The following ITGA1 variants were observed in gnomAD, a reference collection of about 807,000 sequenced individuals.
ITGA1 encodes the protein integrin subunit alpha 1, also known as integrin alpha-1.
ITGA1 carries 85 observed loss-of-function variants against 145.9 expected under a neutral mutation model. That is an observed-to-expected ratio of 0.58 (90% CI 0.49 to 0.70). The LOEUF is 0.70. Ranked by LOEUF, ITGA1 falls within the 30% of genes least tolerant of loss-of-function variation. The pLI is 0.00. For missense variants in ITGA1, 1,351 were observed against 1,418.7 expected (o/e 0.95, Z 0.77); for synonymous variants, 520 against 495.3 (o/e 1.05, Z -0.66).
chr5:52,946,247 G>A (rs1751133860), intron 27 of ITGA1, among the ~76,000 whole-genome samples: 1 of 152,140 alleles, frequency 6.6e-6, no homozygotes. Flanking sequence ...TTTAAAATCT[G>A]CCTTGCTGGG....
intron 16 of ITGA1, 111 bp downstream of exon 16, chr5:52,919,009 C>A: frequency 1.1e-6 from 1 of 919,416 alleles, no homozygotes; most frequent in Non-Finnish European, 1.6e-6. Flanking sequence ...AGCTGCACGT[C>A]ATATTTGCCC....
intron 20 of ITGA1, among the ~76,000 whole-genome samples, 155 bp from the exon 21 acceptor site, chr5:52,929,470 A>G (rs189675453): frequency 4.3e-4 from 65 of 152,324 alleles, no homozygotes; most frequent in South Asian, 3.9e-3. Flanking sequence ...ATGTTATTCT[A>G]TCTATTTTGA....
chr5:52,945,652 T>C (rs889970332), intron 27 of ITGA1, among the ~76,000 whole-genome samples: 2 of 152,130 alleles, frequency 1.3e-5, no homozygotes, highest in African/African-American at 4.8e-5. Context: ...AAATAAGTAC[T>C]TGTTACACAT....
intron 14 of ITGA1, among the ~76,000 whole-genome samples, chr5:52,915,231 CCT>C (rs200893990): frequency 0.014 from 2,072 of 152,178 alleles, 20 homozygotes; most frequent in Non-Finnish European, 0.023. Flanking sequence ...ATAATTTTTC[CCT>C]CTCTCTGGTG....
chr5:52,910,556 GTGTTTTTTAT>G (rs1750489311), intron 14 of ITGA1, 137 bp downstream of exon 14: 8 of 894,284 alleles, frequency 8.9e-6, no homozygotes, highest in Non-Finnish European at 1.3e-5. Context: ...TTCTCTTTAA[GTGTTTTTTAT>G]AGATTAGTTA....
At chr5:52,888,304 G>A (rs1469278226) in intron 8 of ITGA1, among the ~76,000 whole-genome samples, 1 of 152,038 alleles carries the variant, frequency 6.6e-6, no homozygotes, top group African/African-American at 2.4e-5. Flanking sequence ...GAAAAGAAGA[G>A]GAGGAAAGGA....
chr5:52,796,867 G>A (rs190958728), intron 1 of ITGA1, among the ~76,000 whole-genome samples: 109 of 152,168 alleles, frequency 7.2e-4, no homozygotes, highest in African/African-American at 2.6e-3. Flanking sequence ...CAGCACTAAA[G>A]GAAGCAGGGA....
chr5:52,801,722 C>G lies in ITGA1; in HGVS notation c.61+13308C>G, dbSNP rs371117038. On this transcript the variant is annotated intron_variant, in intron 1 of 28. Transcript: ENST00000282588. ...AATGCAGGCACCGTTAGGATATTCT[C>G]TAGTCTTCACGTTTCTGGGGAACAG... 2.7e-5 allele frequency: 44 copies of G among 1,613,992 alleles called. No individual in the cohort carries two copies. Among genetic ancestry groups the G allele is most frequent in the Non-Finnish European group, 3.6e-5 (43 of 1,179,980 alleles).
Position 52,944,964 on chromosome 5 carries a change from C to G in ITGA1, c.3307C>G (p.Leu1103Val). ...TCAGTCATATTTTTCCAGCTTAAAT[C>G]TTACTATAAGGGGAGAACTTCGGAG... ...FIKSYFSSLNLTIRGELRSEN... is the reference protein window; with the variant it reads ...FIKSYFSSLNVTIRGELRSEN... Residue 1103 changes from leucine (L) to valine (V), a missense_variant, in exon 27 of 29, where the codon CTT (leucine) becomes GTT (valine). Transcript: ENST00000282588. 6.2e-7 allele frequency: 1 copy of G among 1,612,114 alleles called. No individual in the cohort carries two copies. Among genetic ancestry groups the G allele is most frequent in the Non-Finnish European group, 8.5e-7 (1 of 1,178,778 alleles).
intron 9 of ITGA1, 52 bp downstream of exon 9, chr5:52,893,892 T>G: frequency 7.1e-7 from 1 of 1,412,296 alleles, no homozygotes; most frequent in Non-Finnish European, 9.7e-7. Context: ...TCAAAATCAG[T>G]ATAATGGGAT....
intron 2 of ITGA1, among the ~76,000 whole-genome samples, chr5:52,861,158 C>CACACACATATACATGTATAT (rs1283911574): frequency 9.5e-4 from 145 of 152,176 alleles, no homozygotes; most frequent in African/African-American, 3.4e-3. Context: ...CCTACATATA[C>CACACACATATACATGTATAT]ACACACATAT....
rs867686098 is a variant in ITGA1, at chr5:52,849,220, C to A, written c.62-145C>A. The A allele has an allele frequency of 4.0e-5, 24 of 597,118 alleles. 1 individual carries two copies. The South Asian group carries it at 6.4e-4, about 16-fold the overall frequency. The allele number at this position is 597,118 out of a possible 1,614,324, so 37.0% of individuals were successfully genotyped here. A position where few individuals can be genotyped will look rare whatever the true frequency, so the allele number is the denominator to read the frequency against. Reference sequence around the variant, plus strand: ...TTAGTAATACAGTTAAGAGTGGAGACCTTCCTTGAGTTTTCATTCTTTGAG... The same window carrying A: ...TTAGTAATACAGTTAAGAGTGGAGAACTTCCTTGAGTTTTCATTCTTTGAG... On this transcript the variant is annotated intron_variant, in intron 1 of 28. Coordinates refer to ENST00000282588, the MANE Select transcript of ITGA1 (RefSeq NM_181501.2).
intron 27 of ITGA1, 100 bp downstream of exon 27, chr5:52,945,135 A>G (rs1579734729): frequency 3.6e-6 from 3 of 836,684 alleles, no homozygotes; most frequent in East Asian, 5.0e-5. Flanking sequence ...AGTGACTGGT[A>G]TTGCTCTCGG....
Position 52,905,862 on chromosome 5 carries a change from T to A in ITGA1, c.1409T>A (p.Met470Lys), listed in dbSNP as rs1579709833. 1 of 1,613,532 alleles carries A rather than the reference T, an allele frequency of 6.2e-7. No individual in the cohort carries two copies. The highest frequency in any genetic ancestry group is 2.2e-5 in the East Asian group (1 of 44,844). Residue 470 changes from methionine to lysine, a missense_variant, in exon 12 of 29, where the codon ATG becomes AAG. Physicochemically the swap from Met to Lys is moderately conservative, Grantham distance 95. Transcript: ENST00000282588. Reference sequence around the variant, plus strand: ...ACAGGCCAGGTCATTATCTACAGGATGGAAGATGGAAACATCAAAATTCTC... The same window carrying A: ...ACAGGCCAGGTCATTATCTACAGGAAGGAAGATGGAAACATCAAAATTCTC... ...NHTGQVIIYRMEDGNIKILQT... is the reference protein window; with the variant it reads ...NHTGQVIIYRKEDGNIKILQT...
chr5:52,883,349 T>G (rs190867266), intron 7 of ITGA1, among the ~76,000 whole-genome samples: 36 of 152,350 alleles, frequency 2.4e-4, no homozygotes, highest in African/African-American at 7.5e-4. Context: ...CTGCTTTTGC[T>G]TCTGCATAAA....
In ITGA1 at chr5:52,788,079, G is replaced by A; in HGVS notation, c.-275G>A. ...TTTGTCCATGTCTCGGACAGAGCCT[G>A]GGAAGCTGCCAGTGAGATTTCAGAG... is the stretch of plus-strand genomic sequence containing the variant. On this transcript the variant is annotated 5_prime_UTR_variant, in exon 1 of 29. Coordinates refer to ENST00000282588, the MANE Select transcript of ITGA1 (RefSeq NM_181501.2). 2 of 402,128 alleles carry A rather than the reference G, an allele frequency of 5.0e-6. No individual in the cohort carries two copies. The highest frequency in any genetic ancestry group is 7.8e-5 in the East Asian group (2 of 25,578). 24.9% of individuals were successfully genotyped at this position (402,128 alleles called of 1,614,324 possible).
chr5:52,933,747 A>G, intron 22 of ITGA1, 147 bp from the exon 23 acceptor site: 1 of 375,858 alleles, frequency 2.7e-6, no homozygotes. Context: ...ATTTAATTTT[A>G]CGTTTCAAGG....
At chr5:52,855,956 A>G (rs181968766) in intron 2 of ITGA1, among the ~76,000 whole-genome samples, 3 of 152,282 alleles carry the variant, frequency 2.0e-5, no homozygotes, top group South Asian at 4.2e-4. Context: ...CTGGGCTCCT[A>G]CACTCTACCA....
At chr5:52,878,403 C>T (rs1394731648) in intron 6 of ITGA1, among the ~76,000 whole-genome samples, 1 of 152,202 alleles carries the variant, frequency 6.6e-6, no homozygotes, top group East Asian at 1.9e-4. Context: ...TGATTTCTGA[C>T]TTACCAACAT....
Sources: gnomAD v4.1 joint callset for allele counts (sites outside exome capture counted in the v4.1 genomes callset) on GRCh38, gnomAD v4.1.1 for gene constraint, MANE v1.5 for transcripts, NCBI Gene and HGNC (gene_info 2026-07-23, HGNC 2026-07-21) for gene names.